The following KLHL20 variants were observed in gnomAD, a reference collection of about 807,000 sequenced individuals.
The protein encoded by KLHL20 is kelch-like protein 20.
A neutral mutation model predicts 69.5 loss-of-function variants in KLHL20; 29 were observed. The ratio of observed to expected loss-of-function variants is 0.42; its 90% CI spans 0.31 to 0.57. The LOEUF (loss-of-function observed/expected upper bound fraction) is 0.57. Ranked by LOEUF, KLHL20 falls within the 20% of genes least tolerant of loss-of-function variation. The pLI is 0.18. For missense variants in KLHL20, 419 were observed against 776.0 expected, an observed-to-expected ratio of 0.54 and a Z score of 5.47; for synonymous variants, 253 against 265.2, an observed-to-expected ratio of 0.95 and a Z score of 0.45.
intron 2 of KLHL20, among the ~76,000 whole-genome samples, chr1:173,725,943 C>T (rs1315091870): frequency 1.1e-4 from 16 of 152,050 alleles, no homozygotes; most frequent in Admixed American, 9.8e-4. Flanking sequence ...CAAAGCAGGG[C>T]GAGGCATCAC....
chr1:173,768,809 A>G (rs1461647999), intron 8 of KLHL20, among the ~76,000 whole-genome samples: 1 of 152,230 alleles, frequency 6.6e-6, no homozygotes, highest in Non-Finnish European at 1.5e-5. Context: ...AAACTAAGGG[A>G]AAGAATATCC....
chr1:173,741,890 G>A (rs954235575), intron 3 of KLHL20: 2 of 1,535,746 alleles, frequency 1.3e-6, no homozygotes, highest in Non-Finnish European at 1.8e-6. Flanking sequence ...GAAAAGCAAG[G>A]CTTACAAGAA....
intron 2 of KLHL20, among the ~76,000 whole-genome samples, chr1:173,724,715 G>A (rs1671874660): frequency 6.6e-6 from 1 of 152,164 alleles, no homozygotes; most frequent in African/African-American, 2.4e-5. Flanking sequence ...TGAGGTGGGA[G>A]GATCAGTTGA....
chr1:173,774,841 C>T (rs1404663693), intron 9 of KLHL20, among the ~76,000 whole-genome samples: 16 of 152,058 alleles, frequency 1.1e-4, no homozygotes, highest in African/African-American at 3.6e-4. Flanking sequence ...GACAGGGTCT[C>T]GCTCTGTCAC....
At position 173,756,009 on chromosome 1, in the gene KLHL20, C is replaced by A. The variant is rs1673533040; in HGVS notation, c.938C>A (p.Pro313His). The stretch of plus-strand genomic sequence containing the variant: ...GGACCAAGGACGAGACCACGGAAAC[C>A]TATCCGATGTGGGGAAGTACTCTTT... The part of the protein sequence containing the change: ...MQGPRTRPRK[P>H]IRCGEVLFAV... The change falls in exon 6 of 12, where the codon CCT (proline) becomes CAT (histidine). Residue 313 changes from proline (P) to histidine (H), a missense_variant. Physicochemically the swap from Pro to His is moderately conservative, Grantham distance 77 (BLOSUM62 -2). Coordinates refer to ENST00000209884, the MANE Select transcript of KLHL20 (RefSeq NM_014458.4). 6.2e-7 allele frequency: 1 copy of A among 1,613,740 alleles called. No homozygotes were observed. The highest frequency in any genetic ancestry group is 1.3e-5 in the African/African-American group (1 of 74,898).
At chr1:173,751,173 A>G (rs1047119117) in intron 3 of KLHL20, among the ~76,000 whole-genome samples, 2 of 152,174 alleles carry the variant, frequency 1.3e-5, no homozygotes, top group Non-Finnish European at 2.9e-5. Flanking sequence ...ACAACAAGGT[A>G]ATATCCTTGT....
Position 173,751,744 on chromosome 1 carries a change from T to C in KLHL20, c.598-20T>C, listed in dbSNP as rs767951558. ...ATGTGATCACAGGATTTTTTTTTCT[T>C]CTTACCTAACTTTGAACAGGTAATG... On this transcript the variant is annotated intron_variant, in intron 3 of 11. Transcript: ENST00000209884. The C allele has an allele frequency of 3.1e-6, 5 of 1,611,340 alleles. No homozygotes were observed. In the African/African-American group the frequency reaches 5.3e-5, roughly 17 times the overall value.
rs1214936393 is a variant in KLHL20 at position 173,753,920 on chromosome 1, A to G, written c.851+613A>G. On this transcript the variant is annotated intron_variant, in intron 5 of 11. Coordinates refer to ENST00000209884, the MANE Select transcript of KLHL20 (RefSeq NM_014458.4). ...CAAAATGTAATAAATTACATTCCCA[A>G]TTTGACAGATTGTAAGATTTAGGTT... Among the ~76,000 whole-genome samples, 7 of 152,306 alleles carry G rather than the reference A, an allele frequency of 4.6e-5. No homozygotes were observed. In the East Asian group the frequency reaches 5.8e-4, roughly 13 times the overall value.
chr1:173,724,943 A>C (rs1340359813), intron 2 of KLHL20, among the ~76,000 whole-genome samples: 1 of 152,224 alleles, frequency 6.6e-6, no homozygotes, highest in Non-Finnish European at 1.5e-5. Context: ...TTTCAGCTAG[A>C]AAAGTGATGA....
chr1:173,773,653 A>G (rs1022557836), intron 8 of KLHL20, among the ~76,000 whole-genome samples: 2 of 152,114 alleles, frequency 1.3e-5, no homozygotes, highest in African/African-American at 4.8e-5. Flanking sequence ...CAAAAATCAT[A>G]TTTTAAAATA....
intron 4 of KLHL20, among the ~76,000 whole-genome samples, 186 bp from the exon 5 acceptor site, chr1:173,753,027 G>T (rs1183308366): frequency 6.6e-6 from 1 of 152,060 alleles, no homozygotes; most frequent in African/African-American, 2.4e-5. Flanking sequence ...ACAAAAATTT[G>T]TTGGGCATGG....
intron 3 of KLHL20, among the ~76,000 whole-genome samples, chr1:173,750,788 T>C (rs889296009): frequency 2.0e-5 from 3 of 152,198 alleles, no homozygotes; most frequent in African/African-American, 4.8e-5. Context: ...CTCGAATTCC[T>C]GAGCTCAAAT....
chr1:173,777,217 C>T (rs1648525368), intron 10 of KLHL20, among the ~76,000 whole-genome samples: 1 of 152,082 alleles, frequency 6.6e-6, no homozygotes. Flanking sequence ...AGATTGTTTG[C>T]TGTTGGCATA....
Position 173,734,004 on chromosome 1 carries a change from T to C in KLHL20, c.315T>C (p.Arg105=). ...TTACAGGAGAATTGGCAGAGAGCCG[T>C]CAGACAGAAGTAGTGATCCGAGACA... ...AMFTGELAES[R]QTEVVIRDID... is the part of the protein sequence containing the mutation. Residue 105 remains arginine (R), a synonymous_variant, in exon 3 of 12, where the codon CGT becomes CGC. Coordinates refer to ENST00000209884, the MANE Select transcript of KLHL20 (RefSeq NM_014458.4). The C allele has an allele frequency of 6.2e-7, 1 of 1,614,128 alleles. No individual in the cohort carries two copies. The highest frequency in any genetic ancestry group is 2.2e-5 in the East Asian group (1 of 44,874).
intron 3 of KLHL20, among the ~76,000 whole-genome samples, chr1:173,735,076 G>A (rs563358375): frequency 6.6e-6 from 1 of 152,158 alleles, no homozygotes; most frequent in East Asian, 1.9e-4. Flanking sequence ...GAGACCAAGG[G>A]GGGTAGAGGA....
chr1:173,743,597 A>G (rs970838219), intron 3 of KLHL20, among the ~76,000 whole-genome samples: 2 of 151,012 alleles, frequency 1.3e-5, no homozygotes, highest in African/African-American at 4.9e-5. Flanking sequence ...ATTTTTCTTA[A>G]CCCGTATTCA....
intron 5 of KLHL20, among the ~76,000 whole-genome samples, chr1:173,754,288 T>C (rs554755922): frequency 6.6e-6 from 1 of 152,284 alleles, no homozygotes; most frequent in Admixed American, 6.5e-5. Flanking sequence ...TTGTATTCTA[T>C]ATTTAAAACA....
intron 8 of KLHL20, among the ~76,000 whole-genome samples, chr1:173,766,697 G>T (rs1558216048): frequency 6.6e-6 from 1 of 151,420 alleles, no homozygotes; most frequent in Non-Finnish European, 1.5e-5. Flanking sequence ...GACATTGGAG[G>T]ATCCACTATT....
intron 3 of KLHL20, chr1:173,742,004 A>T (rs905662595): frequency 1.8e-5 from 10 of 548,186 alleles, no homozygotes; most frequent in Non-Finnish European, 2.9e-5. Flanking sequence ...TGTAACTTGT[A>T]TCATAGACGA....
Sources: gnomAD v4.1 joint callset for allele counts (sites outside exome capture counted in the v4.1 genomes callset) on GRCh38, gnomAD v4.1.1 for gene constraint, MANE v1.5 for transcripts, NCBI Gene and HGNC (gene_info 2026-07-23, HGNC 2026-07-21) for gene names.